SGCZ: variants seen among roughly 807,000 people sequenced by gnomAD.
The protein encoded by SGCZ is zeta-sarcoglycan.
Under a neutral mutation model 41.3 loss-of-function variants are expected in SGCZ, and 40 were observed. That is an observed-to-expected ratio of 0.97 (90% confidence interval 0.75 to 1.26). The LOEUF (loss-of-function observed/expected upper bound fraction) is 1.26, where lower values mean the gene tolerates loss of function less well. SGCZ is among the 50% of genes most tolerant of loss of function. SGCZ has a pLI of 0.00. For missense variants in SGCZ, 552 were observed against 369.8 expected (o/e 1.49, Z -4.04); for synonymous variants, 206 against 137.5 (o/e 1.50, Z -3.49).
intron 1 of SGCZ, among the ~76,000 whole-genome samples, chr8:14,628,337 A>G (rs778467173): frequency 6.7e-5 from 9 of 134,560 alleles, no homozygotes; most frequent in Non-Finnish European, 1.0e-4. Context: ...AGAAAATATT[A>G]CAGCTGATAA....
At chr8:14,336,966 T>A (rs1802525191) in intron 2 of SGCZ, among the ~76,000 whole-genome samples, 2 of 152,152 alleles carry the variant, frequency 1.3e-5, no homozygotes, top group Non-Finnish European at 2.9e-5. Context: ...GCCTTTACTC[T>A]GGCACTGTTC....
At chr8:14,615,436 C>T (rs917613864) in intron 1 of SGCZ, among the ~76,000 whole-genome samples, 8 of 152,190 alleles carry the variant, frequency 5.3e-5, no homozygotes, top group Non-Finnish European at 1.0e-4. Flanking sequence ...CTCTGAACCC[C>T]TTCTGCTTCT....
chr8:14,592,123 G>C (rs780613705), intron 1 of SGCZ, among the ~76,000 whole-genome samples: 2 of 152,072 alleles, frequency 1.3e-5, no homozygotes, highest in Non-Finnish European at 2.9e-5. Flanking sequence ...CCACTTGTCT[G>C]TTTTGCTAAG....
chr8:14,581,313 G>A (rs139335785), intron 1 of SGCZ, among the ~76,000 whole-genome samples: 1 of 152,142 alleles, frequency 6.6e-6, no homozygotes, highest in African/African-American at 2.4e-5. Context: ...CCCCATGTTA[G>A]CCAGGCTGGT....
intron 1 of SGCZ, among the ~76,000 whole-genome samples, chr8:14,867,048 T>G (rs1392935619): frequency 6.6e-6 from 1 of 152,120 alleles, no homozygotes; most frequent in Non-Finnish European, 1.5e-5. Flanking sequence ...AGGTGTTTTT[T>G]GTTCTCAATC....
At chr8:14,866,004 G>T (rs1803917810) in intron 1 of SGCZ, among the ~76,000 whole-genome samples, 1 of 152,032 alleles carries the variant, frequency 6.6e-6, no homozygotes, top group Non-Finnish European at 1.5e-5. Flanking sequence ...GGTTGTGAAT[G>T]ATTTAAGGTG....
chr8:14,626,665 A>G (rs922944333), intron 1 of SGCZ, among the ~76,000 whole-genome samples: 1 of 152,176 alleles, frequency 6.6e-6, no homozygotes, highest in Non-Finnish European at 1.5e-5. Context: ...CAGGGAAAAT[A>G]TCATGAAAAG....
At chr8:14,500,565 G>C (rs533589021) in intron 2 of SGCZ, among the ~76,000 whole-genome samples, 1 of 151,968 alleles carries the variant, frequency 6.6e-6, no homozygotes, top group Admixed American at 6.6e-5. Context: ...TCAACCGTGA[G>C]TTTTCTGTGA....
At chr8:14,216,035 A>T (rs1805983089) in intron 4 of SGCZ, among the ~76,000 whole-genome samples, 1 of 152,352 alleles carries the variant, frequency 6.6e-6, no homozygotes, top group Non-Finnish European at 1.5e-5. Flanking sequence ...CCCTCCAGGC[A>T]TTTATTCAGC....
At chr8:14,202,752 T>C (rs1199808224) in intron 4 of SGCZ, among the ~76,000 whole-genome samples, 2 of 152,174 alleles carry the variant, frequency 1.3e-5, no homozygotes, top group African/African-American at 4.8e-5. Flanking sequence ...AGTCATCTTC[T>C]TCCTTCCTAA....
intron 3 of SGCZ, among the ~76,000 whole-genome samples, chr8:14,302,916 T>C (rs1022500207): frequency 1.4e-4 from 22 of 152,204 alleles, no homozygotes; most frequent in Admixed American, 7.9e-4. Context: ...TCAATTTCAT[T>C]GAGAGAACTA....
intron 2 of SGCZ, among the ~76,000 whole-genome samples, chr8:14,456,902 T>G (rs936643660): frequency 1.2e-4 from 18 of 152,020 alleles, no homozygotes; most frequent in African/African-American, 4.3e-4. Context: ...CCAACCACAC[T>G]CTCTCTCTCT....
At chr8:14,912,354 A>T (rs749585537) in intron 1 of SGCZ, among the ~76,000 whole-genome samples, 32 of 152,160 alleles carry the variant, frequency 2.1e-4, no homozygotes, top group Non-Finnish European at 4.4e-4. Flanking sequence ...AAGACTTCCC[A>T]ATAGACACAA....
intron 1 of SGCZ, among the ~76,000 whole-genome samples, chr8:15,090,324 AG>A (rs1004549372): frequency 3.9e-5 from 6 of 152,214 alleles, no homozygotes; most frequent in Non-Finnish European, 2.9e-5. Context: ...TTAACACTTG[AG>A]GTTTGACTTA....
At chr8:14,750,570 TAA>T (rs1799468475) in intron 1 of SGCZ, among the ~76,000 whole-genome samples, 1 of 152,160 alleles carries the variant, frequency 6.6e-6, no homozygotes, top group African/African-American at 2.4e-5. Flanking sequence ...AGAATAATTT[TAA>T]ACATGTAGGT....
chr8:14,961,912 T>A (rs1255845350), intron 1 of SGCZ, among the ~76,000 whole-genome samples: 3 of 152,216 alleles, frequency 2.0e-5, no homozygotes, highest in Non-Finnish European at 2.9e-5. Context: ...AGCAAGCCAA[T>A]GTATGTCATA....
chr8:14,838,235 G>A (rs571346528), intron 1 of SGCZ, among the ~76,000 whole-genome samples: 1 of 152,014 alleles, frequency 6.6e-6, no homozygotes, highest in African/African-American at 2.4e-5. Flanking sequence ...AATGAATAGG[G>A]GCTAGTGTTC....
intron 2 of SGCZ, among the ~76,000 whole-genome samples, chr8:14,502,757 G>C (rs1323546743): frequency 1.3e-5 from 2 of 152,118 alleles, no homozygotes; most frequent in Admixed American, 6.6e-5. Flanking sequence ...GAGATACCAT[G>C]TCACGCCAGT....
intron 2 of SGCZ, among the ~76,000 whole-genome samples, chr8:14,536,759 G>C (rs1480929072): frequency 6.7e-6 from 1 of 150,044 alleles, no homozygotes; most frequent in Non-Finnish European, 1.5e-5. Context: ...AAAACTAAGG[G>C]CTTTCCATTT....
Sources: gnomAD v4.1 joint callset for allele counts (sites outside exome capture counted in the v4.1 genomes callset) on GRCh38, gnomAD v4.1.1 for gene constraint, MANE v1.5 for transcripts, NCBI Gene and HGNC (gene_info 2026-07-23, HGNC 2026-07-21) for gene names.